GSG1L: variants seen among roughly 807,000 people sequenced by gnomAD.
GSG1L encodes germ cell-specific gene 1-like protein.
GSG1L carries 24 observed loss-of-function variants against 42.1 expected under a neutral mutation model. The ratio of observed to expected loss-of-function variants is 0.57; its 90% confidence interval spans 0.41 to 0.80. The LOEUF (loss-of-function observed/expected upper bound fraction) is 0.80. Among genes scored for constraint, GSG1L ranks in the 30% least tolerant of loss-of-function variants. The pLI, the probability that GSG1L is intolerant of heterozygous loss-of-function variation, is 0.00. For synonymous variants in GSG1L, 215 were observed against 203.5 expected (o/e 1.06, Z -0.48); for missense variants, 445 against 472.2 (o/e 0.94, Z 0.53).
chr16:27,801,020 G>A (rs985032376), intron 6 of GSG1L, among the ~76,000 whole-genome samples: 16 of 152,128 alleles, frequency 1.1e-4, no homozygotes, highest in African/African-American at 2.4e-4. Context: ...CGGAGGAAGC[G>A]GCCTTTCAGC....
At chr16:27,817,542 G>T (rs1292715244) in intron 5 of GSG1L, among the ~76,000 whole-genome samples, 1 of 151,986 alleles carries the variant, frequency 6.6e-6, no homozygotes, top group African/African-American at 2.4e-5. Flanking sequence ...CCAGCCTGGA[G>T]TGCGGTGGAG....
At chr16:27,909,485 C>T (rs2084358139) in intron 2 of GSG1L, among the ~76,000 whole-genome samples, 1 of 149,034 alleles carries the variant, frequency 6.7e-6, no homozygotes, top group Admixed American at 6.8e-5. Flanking sequence ...CTCTTAGGCT[C>T]AAGCAAGGGT....
chr16:27,864,418 T>G (rs2083691470), intron 3 of GSG1L, among the ~76,000 whole-genome samples: 1 of 152,172 alleles, frequency 6.6e-6, no homozygotes, highest in South Asian at 2.1e-4. Context: ...GGAGATGACA[T>G]GGAGACAGTC....
chr16:27,808,286 C>T (rs1036625256), intron 5 of GSG1L, among the ~76,000 whole-genome samples: 1 of 152,174 alleles, frequency 6.6e-6, no homozygotes, highest in East Asian at 1.9e-4. Flanking sequence ...AGGGTCTTGT[C>T]GTGTTGGCCA....
At chr16:27,888,433 T>TTTC (rs2084059996) in intron 2 of GSG1L, among the ~76,000 whole-genome samples, 1 of 21,972 alleles carries the variant, frequency 4.6e-5, no homozygotes, top group African/African-American at 9.6e-5. Context: ...TCTTTCTTTC[T>TTTC]TTCTTTCTTT....
chr16:27,840,908 C>T (rs1014510190), intron 4 of GSG1L, among the ~76,000 whole-genome samples: 14 of 152,154 alleles, frequency 9.2e-5, no homozygotes, highest in South Asian at 2.1e-4. Context: ...ACCCCAGCCA[C>T]GCCCCAGATG....
At chr16:27,850,737 A>G in intron 3 of GSG1L, 2 of 346,334 alleles carry the variant, frequency 5.8e-6, no homozygotes, top group South Asian at 4.5e-5. Context: ...CCTGGGGCTC[A>G]GGAAGGCATT....
At chr16:27,901,600 T>G (rs1184686748) in intron 2 of GSG1L, among the ~76,000 whole-genome samples, 4 of 152,236 alleles carry the variant, frequency 2.6e-5, no homozygotes, top group Non-Finnish European at 5.9e-5. Context: ...CCCTGTGGAA[T>G]CTGATGCTGC....
At chr16:27,852,751 C>T (rs1052288239) in intron 3 of GSG1L, among the ~76,000 whole-genome samples, 8 of 152,096 alleles carry the variant, frequency 5.3e-5, no homozygotes, top group Non-Finnish European at 5.9e-5. Flanking sequence ...TTGCAACTTT[C>T]GGAGCAAAGT....
At chr16:27,980,914 A>AC (rs1417189634) in intron 1 of GSG1L, among the ~76,000 whole-genome samples, 1 of 151,512 alleles carries the variant, frequency 6.6e-6, no homozygotes, top group African/African-American at 2.4e-5. Flanking sequence ...AAAAAAAAAA[A>AC]AAAGAAAGAA....
chr16:27,905,847 C>T (rs996379239), intron 2 of GSG1L, among the ~76,000 whole-genome samples: 1 of 152,080 alleles, frequency 6.6e-6, no homozygotes, highest in African/African-American at 2.4e-5. Flanking sequence ...CTTGCCACTA[C>T]CCTTCCCCCA....
chr16:27,835,664 A>G (rs1180441873), intron 4 of GSG1L, among the ~76,000 whole-genome samples: 2 of 151,522 alleles, frequency 1.3e-5, no homozygotes, highest in Non-Finnish European at 2.9e-5. Flanking sequence ...TTTTGAGGGT[A>G]TCTCTGTATA....
chr16:27,951,908 A>G lies in GSG1L; in HGVS notation c.397+11248T>C, dbSNP rs558904349. ...TGAGAAATGACTCACGCAAGACTCA[A>G]GAGTGTGACCATGGAGCCAACCACA... is the stretch of plus-strand genomic sequence containing the variant. On this transcript the variant is annotated intron_variant, in intron 2 of 6. Coordinates refer to ENST00000447459, the MANE Select transcript of GSG1L (RefSeq NM_001109763.2). Among the ~76,000 whole-genome samples, 30 of 152,360 alleles carry G rather than the reference A, an allele frequency of 2.0e-4. No homozygotes were observed. The South Asian group carries it at 6.2e-3, about 32-fold the overall frequency.
At chr16:27,933,188 T>A (rs13336608) in intron 2 of GSG1L, among the ~76,000 whole-genome samples, 7,560 of 152,156 alleles carry the variant, frequency 0.05, 658 homozygotes, top group African/African-American at 0.17. Context: ...TAACCCATTA[T>A]TCAATCAACT....
intron 1 of GSG1L, among the ~76,000 whole-genome samples, chr16:28,045,208 C>T (rs926919278): frequency 1.3e-5 from 2 of 152,120 alleles, no homozygotes; most frequent in East Asian, 1.9e-4. Flanking sequence ...TAATGTAAAC[C>T]GTGGACTTTG....
intron 1 of GSG1L, among the ~76,000 whole-genome samples, chr16:28,020,115 G>A (rs776089179): frequency 3.9e-5 from 6 of 152,192 alleles, no homozygotes; most frequent in South Asian, 2.1e-4. Flanking sequence ...TTGATGTGGC[G>A]AGTGATTGAA....
At chr16:27,983,395 T>C (rs1040703387) in intron 1 of GSG1L, among the ~76,000 whole-genome samples, 12 of 152,240 alleles carry the variant, frequency 7.9e-5, no homozygotes, top group Middle Eastern at 3.4e-3. Context: ...TGTTACTCCA[T>C]TGACATTTCA....
Position 27,948,170 on chromosome 16 carries a change from GC to G in GSG1L, c.397+14985del, listed in dbSNP as rs2084906422. On this transcript the variant is annotated intron_variant, in intron 2 of 6. Transcript: ENST00000447459. Reference sequence around the variant, plus strand: ...AAATGGCAAAGGCTAGGACTCTGCAGCCCCTACCCAGGTTCAGAGCCACCTC... The same window carrying G: ...AAATGGCAAAGGCTAGGACTCTGCAGCCCTACCCAGGTTCAGAGCCACCTC... 7.9e-5 allele frequency among the ~76,000 whole-genome samples: 12 copies of G among 152,162 alleles called. 1 individual carries two copies. Among genetic ancestry groups the G allele is most frequent in the Admixed American group, 7.9e-4 (12 of 15,278 alleles).
rs76398673 is a variant in GSG1L, at chr16:27,853,421, A to G, written c.551-8360T>C. Among the ~76,000 whole-genome samples, 83 of 152,260 alleles carry G rather than the reference A, an allele frequency of 5.5e-4. No individual in the cohort carries two copies. In the East Asian group the frequency reaches 0.014, roughly 26 times the overall value. On this transcript the variant is annotated intron_variant, in intron 3 of 6. Coordinates refer to ENST00000447459, the MANE Select transcript of GSG1L (RefSeq NM_001109763.2). ...GGGTTTAAAAAGTTCCTCCTTACAC[A>G]TAACCTAAATCTTTCCCGCTCCAAT...
Sources: allele counts gnomAD v4.1 joint callset (sites outside exome capture counted in the v4.1 genomes callset), GRCh38; gene constraint gnomAD v4.1.1; transcripts MANE v1.5; gene names NCBI Gene and HGNC (gene_info 2026-07-23, HGNC 2026-07-21).